KANSL1: variants seen among roughly 807,000 people sequenced by gnomAD.
KANSL1 encodes MLL1/MLL complex subunit KANSL1.
In KANSL1, 22 loss-of-function variants were observed where a neutral mutation model predicts 103.6. That is an observed-to-expected ratio of 0.21 (90% CI 0.15 to 0.30). The LOEUF is 0.30. Among genes scored for constraint, KANSL1 ranks in the 10% least tolerant of loss-of-function variants. The probability of loss-of-function intolerance (pLI) is 1.00; values close to 1 mark genes in which losing one functional copy is unlikely to be tolerated. For missense variants in KANSL1, 1,337 were observed against 1,399.8 expected, an observed-to-expected ratio of 0.96 and a Z score of 0.72; for synonymous variants, 600 against 527.6, an observed-to-expected ratio of 1.14 and a Z score of -1.88.
intron 1 of KANSL1, among the ~76,000 whole-genome samples, chr17:46,180,473 G>A (rs771828371): frequency 2.0e-5 from 3 of 152,126 alleles, no homozygotes; most frequent in Admixed American, 6.6e-5. Context: ...ACTCCAGCCT[G>A]GGTGACAAAA....
chr17:46,119,323 C>CT (rs142510572), intron 2 of KANSL1, among the ~76,000 whole-genome samples: 101 of 144,136 alleles, frequency 7.0e-4, no homozygotes, highest in Non-Finnish European at 1.0e-3. Flanking sequence ...TTTTCTTTTT[C>CT]TTTTTTTTTT....
chr17:46,219,250 TAAAA>T lies in KANSL1; in HGVS notation c.-90+4417_-90+4420del, dbSNP rs66536813. On this transcript the variant is annotated intron_variant, in intron 1 of 14. Transcript: ENST00000572904. ...ACAACAAAGCGAGACTCTTGTCTCA[TAAAA>T]AAAAAAAAAGGAAGAAGAATGCTGA... Among the ~76,000 whole-genome samples, 1,190 of 135,308 alleles carry T rather than the reference TAAAA, an allele frequency of 8.8e-3. 10 individuals are homozygous for T. The highest frequency in any genetic ancestry group is 0.015 in the Non-Finnish European group (947 of 63,768). 88.8% of individuals were successfully genotyped at this position (135,308 alleles called of 152,430 possible). A position where few individuals can be genotyped will look rare whatever the true frequency, so the allele number is the denominator to read the frequency against.
At chr17:46,175,420 G>C (rs1202655633) in intron 1 of KANSL1, among the ~76,000 whole-genome samples, 1 of 151,076 alleles carries the variant, frequency 6.6e-6, no homozygotes, top group Non-Finnish European at 1.5e-5. Context: ...CGTGATCTCG[G>C]CTCACTGCAA....
chr17:46,071,232 T>C (rs993508215), intron 4 of KANSL1, among the ~76,000 whole-genome samples: 5 of 152,108 alleles, frequency 3.3e-5, no homozygotes, highest in African/African-American at 1.2e-4. Flanking sequence ...GTCAAGAACA[T>C]AGAGGTATAC....
intron 1 of KANSL1, among the ~76,000 whole-genome samples, chr17:46,184,611 CAT>C (rs1491444409): frequency 6.6e-6 from 1 of 152,214 alleles, no homozygotes; most frequent in East Asian, 1.9e-4. Context: ...CCACCTGAAA[CAT>C]ATGTTTCCTG....
chr17:46,197,826 C>G (rs534441329), upstream of KANSL1, among the ~76,000 whole-genome samples: 1 of 152,190 alleles, frequency 6.6e-6, no homozygotes, highest in South Asian at 2.1e-4. Flanking sequence ...AGATAATAAA[C>G]GTATTCCAAA....
chr17:46,088,746 G>GGTGGGACTTGCCT (rs1456852666), intron 3 of KANSL1: 1 of 152,296 alleles, frequency 6.6e-6, no homozygotes, highest in East Asian at 1.9e-4. Context: ...AGCTAAGCAT[G>GGTGGGACTTGCCT]GTGGGACTTG....
At chr17:46,205,869 G>A (rs534028878) in intron 1 of KANSL1, among the ~76,000 whole-genome samples, 1 of 152,122 alleles carries the variant, frequency 6.6e-6, no homozygotes, top group Non-Finnish European at 1.5e-5. Flanking sequence ...CTTGAGCGCA[G>A]AAGTTCAGGA....
At chr17:46,090,067 G>T (rs1167886059) in intron 3 of KANSL1, among the ~76,000 whole-genome samples, 1 of 152,186 alleles carries the variant, frequency 6.6e-6, no homozygotes, top group Non-Finnish European at 1.5e-5. Flanking sequence ...TTTAGTGTGG[G>T]CTCTAAATTC....
intron 2 of KANSL1, chr17:46,156,749 G>A (rs1045393833): frequency 1.3e-5 from 2 of 152,666 alleles, no homozygotes; most frequent in East Asian, 1.9e-4. Context: ...AAGTGGAGGG[G>A]AAGGCTGGGA....
rs1377535849 is a variant in KANSL1, at chr17:46,031,445, T to C, written c.*31A>G. ...TTTCTGAAGCTTTAATGCCAATAGT[T>C]AGTGAGTCTGTTTAGATGGCTGTCT... is the stretch of plus-strand genomic sequence containing the variant. On this transcript the variant is annotated 3_prime_UTR_variant, in exon 15 of 15. Coordinates refer to ENST00000432791, the MANE Select transcript of KANSL1 (RefSeq NM_015443.4). The C allele has an allele frequency of 1.3e-6, 2 of 1,547,008 alleles. No homozygotes were observed. Among genetic ancestry groups the C allele is most frequent in the Non-Finnish European group, 1.8e-6 (2 of 1,133,480 alleles).
At chr17:46,165,738 T>A (rs955770238) in intron 2 of KANSL1, among the ~76,000 whole-genome samples, 1 of 150,756 alleles carries the variant, frequency 6.6e-6, no homozygotes, top group Admixed American at 6.6e-5. Context: ...CTCCAACTCC[T>A]GACCTCAAGT....
chr17:46,183,166 GCCTGTATTTC>G, intron 1 of KANSL1, among the ~76,000 whole-genome samples: 1 of 152,308 alleles, frequency 6.6e-6, no homozygotes, highest in Middle Eastern at 3.4e-3. Context: ...AGTGGCAGGC[GCCTGTATTTC>G]CAGTTACTCA....
intron 1 of KANSL1, among the ~76,000 whole-genome samples, chr17:46,205,966 G>A (rs2047953802): frequency 6.6e-6 from 1 of 151,692 alleles, no homozygotes; most frequent in Non-Finnish European, 1.5e-5. Flanking sequence ...AATCCTAGCT[G>A]CTTGGGGGGC....
At position 46,127,984 on chromosome 17, in the gene KANSL1, A is replaced by AT. The variant is rs113399561; in HGVS notation, c.1290-33284dup. On this transcript the variant is annotated intron_variant, in intron 2 of 14. Coordinates refer to ENST00000432791, the MANE Select transcript of KANSL1 (RefSeq NM_015443.4). Reference sequence around the variant, plus strand: ...AAGATACCCAAACACCCCTTCCCTAATTTTTTTTTTTGGTACAAACAAAGT... The same window carrying AT: ...AAGATACCCAAACACCCCTTCCCTAATTTTTTTTTTTTGGTACAAACAAAGT... Among the ~76,000 whole-genome samples, 348 of 148,666 alleles carry AT rather than the reference A, an allele frequency of 2.3e-3. 2 individuals are homozygous for AT. The highest frequency in any genetic ancestry group is 3.9e-3 in the African/African-American group (159 of 40,502).
intron 2 of KANSL1, among the ~76,000 whole-genome samples, chr17:46,109,319 T>G (rs567144352): frequency 6.6e-6 from 1 of 152,312 alleles, no homozygotes; most frequent in East Asian, 1.9e-4. Flanking sequence ...TAAAAACGTT[T>G]CCGCTTTTAC....
chr17:46,085,093 T>C (rs1183799380), intron 3 of KANSL1, among the ~76,000 whole-genome samples: 1 of 152,140 alleles, frequency 6.6e-6, no homozygotes, highest in African/African-American at 2.4e-5. Flanking sequence ...CCAACTACTT[T>C]CCCCAAATAT....
chr17:46,177,145 T>C (rs2046559296), intron 1 of KANSL1, among the ~76,000 whole-genome samples: 1 of 152,256 alleles, frequency 6.6e-6, no homozygotes, highest in Admixed American at 6.5e-5. Flanking sequence ...TTCTGTTCTT[T>C]AAGTCTCCTC....
intron 2 of KANSL1, among the ~76,000 whole-genome samples, chr17:46,101,803 AC>A (rs1386614521): frequency 1.8e-5 from 2 of 111,914 alleles, no homozygotes; most frequent in Non-Finnish European, 4.8e-5. Context: ...AGTCATTATA[AC>A]CATGGATTTA....
Sources: gnomAD v4.1 joint callset for allele counts (sites outside exome capture counted in the v4.1 genomes callset) on GRCh38, gnomAD v4.1.1 for gene constraint, MANE v1.5 for transcripts, NCBI Gene and HGNC (gene_info 2026-07-23, HGNC 2026-07-21) for gene names.